GEMIN8: variants seen among roughly 807,000 people sequenced by gnomAD.
GEMIN8 encodes the protein gem nuclear organelle associated protein 8, also known as gem-associated protein 8.
For synonymous variants in GEMIN8, 80 were observed against 78.5 expected (o/e 1.02, Z -0.10); for missense variants, 185 against 205.9 (o/e 0.90, Z 0.62).
chrX:14,020,502 A>G lies in GEMIN8; in HGVS notation c.48T>C (p.Tyr16=), dbSNP rs748879017. Residue 16 remains tyrosine, a synonymous_variant, in exon 4 of 5, where the codon TAT becomes TAC. Coordinates refer to ENST00000680255, the MANE Select transcript of GEMIN8 (RefSeq NM_001042479.2). ...ASTSKATRPW[Y]SHPVYARYWQ... is the part of the protein sequence containing the mutation. Reference sequence around the variant, plus strand: ...AGTATCTTGCATATACCGGATGAGAATACCAAGGCCTGGTAGCTTTCGATG... The same window carrying G: ...AGTATCTTGCATATACCGGATGAGAGTACCAAGGCCTGGTAGCTTTCGATG... 1 of 1,198,879 alleles carries G rather than the reference A, an allele frequency of 8.3e-7. No homozygotes were observed. Among genetic ancestry groups the G allele is most frequent in the Admixed American group, 2.2e-5 (1 of 46,023 alleles).
chrX:14,009,775 G>C (rs1471422910), intron 4 of GEMIN8, among the ~76,000 whole-genome samples: 1 of 111,843 alleles, frequency 8.9e-6, no homozygotes, highest in Non-Finnish European at 1.9e-5. Flanking sequence ...AAGCTTCCTG[G>C]AAAGTCCAGT....
chrX:13,987,364 C>T, the GEMIN8 span, among the ~76,000 whole-genome samples: 1 of 112,337 alleles, frequency 8.9e-6, no homozygotes. Context: ...AGAATCATGA[C>T]TCTTCCCTTT....
downstream of GEMIN8, among the ~76,000 whole-genome samples, chrX:14,005,320 T>C (rs759921407): frequency 9.0e-6 from 1 of 111,419 alleles, no homozygotes; most frequent in Non-Finnish European, 1.9e-5. Flanking sequence ...GATGGGCTGA[T>C]GGTTGAGTTG....
At chrX:14,019,366 G>GA (rs1432696149) in intron 4 of GEMIN8, among the ~76,000 whole-genome samples, 2 of 112,248 alleles carry the variant, frequency 1.8e-5, no homozygotes, top group Non-Finnish European at 3.8e-5. Flanking sequence ...AATTTAAAAA[G>GA]AAAATTCCTG....
At chrX:13,998,024 C>T in the GEMIN8 span, among the ~76,000 whole-genome samples, 1 of 109,227 alleles carries the variant, frequency 9.2e-6, no homozygotes, top group Non-Finnish European at 1.9e-5. Flanking sequence ...GAAGGAAAAT[C>T]CACACTTCAG....
At chrX:14,016,574 G>A (rs1923913098) in intron 4 of GEMIN8, among the ~76,000 whole-genome samples, 2 of 109,381 alleles carry the variant, frequency 1.8e-5, no homozygotes, top group South Asian at 4.0e-4. Context: ...AGCTGGGCGC[G>A]GTAGCTCATG....
intron 4 of GEMIN8, chrX:14,013,888 C>T: frequency 3.1e-6 from 2 of 646,797 alleles, no homozygotes; most frequent in Non-Finnish European, 3.7e-6. Context: ...AAAACAAGAA[C>T]AATAGGCATG....
the GEMIN8 span, among the ~76,000 whole-genome samples, chrX:13,998,355 C>T: frequency 0.37 from 40,355 of 109,420 alleles, 5,936 homozygotes; most frequent in African/African-American, 0.54. Flanking sequence ...TGGGAGGTGA[C>T]TGGCTCATGG....
the GEMIN8 span, among the ~76,000 whole-genome samples, chrX:13,991,607 A>G: frequency 2.2e-3 from 244 of 111,967 alleles, 3 homozygotes; most frequent in African/African-American, 7.5e-3. Flanking sequence ...TACAAATCCA[A>G]ATGTCTTCAG....
At chrX:13,997,978 C>T in the GEMIN8 span, among the ~76,000 whole-genome samples, 3 of 107,781 alleles carry the variant, frequency 2.8e-5, no homozygotes, top group Non-Finnish European at 5.7e-5. Flanking sequence ...ATAGTCACGA[C>T]GTATTTTTAA....
chrX:14,016,780 G>C lies in GEMIN8; in HGVS notation c.472+3298C>G, dbSNP rs1923929870. Among the ~76,000 whole-genome samples, 3 of 96,681 alleles carry C rather than the reference G, an allele frequency of 3.1e-5. No individual in the cohort carries two copies. The South Asian group carries it at 1.6e-3, about 52-fold the overall frequency. The allele number at this position is 96,681 out of a possible 115,157, so 84.0% of individuals were successfully genotyped here. A position where few individuals can be genotyped will look rare whatever the true frequency, so the allele number is the denominator to read the frequency against. ...GAATCACTTGAACCCGGGAGGCATA[G>C]GTTGTAGTGAGCTGAGATGGCGCCA... On this transcript the variant is annotated intron_variant, in intron 4 of 4. Transcript: ENST00000680255.
downstream of GEMIN8, among the ~76,000 whole-genome samples, chrX:14,002,097 CAA>C (rs59550732): frequency 8.5e-5 from 2 of 23,631 alleles, no homozygotes; most frequent in Admixed American, 6.5e-4. Flanking sequence ...TGCACTCCAG[CAA>C]AAAAAAAAAA....
At position 14,020,322 on chromosome X, in the gene GEMIN8, G is replaced by T. The variant is rs1288538463; in HGVS notation, c.228C>A (p.Phe76Leu). ...YDNEAAYPQS[F>L]YDHHVAWQDY... Reference sequence around the variant, plus strand: ...CCTGCCAGGCCACATGATGGTCATAGAAGGACTGAGGATACGCAGCCTCAT... The same window carrying T: ...CCTGCCAGGCCACATGATGGTCATATAAGGACTGAGGATACGCAGCCTCAT... The change falls in exon 4 of 5, where the codon TTC (phenylalanine) becomes TTA (leucine). Residue 76 changes from phenylalanine to leucine, a missense_variant. Transcript: ENST00000680255. The T allele has an allele frequency of 1.7e-6, 2 of 1,206,971 alleles. No homozygotes were observed. The highest frequency in any genetic ancestry group is 2.2e-6 in the Non-Finnish European group (2 of 892,207).
At position 14,029,798 on chromosome X, in the gene GEMIN8, G is replaced by A. The variant is rs1051976141; in HGVS notation, c.-137C>T. The A allele has an allele frequency of 8.8e-6, 1 of 113,317 alleles. No homozygotes were observed. Among genetic ancestry groups the A allele is most frequent in the African/African-American group, 3.2e-5 (1 of 31,231 alleles). 9.3% of individuals were successfully genotyped at this position (113,317 alleles called of 1,213,427 possible). On this transcript the variant is annotated 5_prime_UTR_variant, in exon 1 of 5. Transcript: ENST00000680255. ...TCACCTCGTGGGCGCGCAGCTTGCG[G>A]ATCCTGGGCGTTGGCCGCGCAGGGG...
downstream of GEMIN8, among the ~76,000 whole-genome samples, chrX:14,005,098 T>C (rs1923098450): frequency 9.0e-6 from 1 of 111,324 alleles, no homozygotes; most frequent in Non-Finnish European, 1.9e-5. Flanking sequence ...GGAAAGTCTT[T>C]TGTTGTAATA....
At chrX:13,984,893 C>A in the GEMIN8 span, among the ~76,000 whole-genome samples, 2 of 111,667 alleles carry the variant, frequency 1.8e-5, no homozygotes, top group Non-Finnish European at 3.8e-5. Flanking sequence ...TATTTATTTA[C>A]CAACTTGGGT....
chrX:14,022,081 C>T (rs1003813847), intron 2 of GEMIN8, among the ~76,000 whole-genome samples: 8 of 99,209 alleles, frequency 8.1e-5, no homozygotes, highest in African/African-American at 1.9e-4. Context: ...TATATATATA[C>T]ACACACACAC....
the GEMIN8 span, among the ~76,000 whole-genome samples, chrX:14,001,307 C>T: frequency 1.8e-5 from 2 of 111,795 alleles, no homozygotes; most frequent in East Asian, 2.8e-4. Flanking sequence ...AAAAACTAAA[C>T]GAACAAAGAA....
At chrX:13,985,692 T>A in the GEMIN8 span, among the ~76,000 whole-genome samples, 1 of 111,719 alleles carries the variant, frequency 9.0e-6, no homozygotes, top group African/African-American at 3.3e-5. Context: ...CAACTCTTTT[T>A]CTGGAAAGAT....
Sources: gnomAD v4.1 joint callset for allele counts (sites outside exome capture counted in the v4.1 genomes callset) on GRCh38, gnomAD v4.1.1 for gene constraint, MANE v1.5 for transcripts, NCBI Gene and HGNC (gene_info 2026-07-23, HGNC 2026-07-21) for gene names.